The following VPS26A variants were observed in gnomAD, a reference collection of about 807,000 sequenced individuals.
VPS26A encodes the protein vacuolar protein sorting-associated protein 26A.
VPS26A carries 22 observed loss-of-function variants against 42.4 expected under a neutral mutation model. The ratio of observed to expected loss-of-function variants is 0.52; its 90% CI spans 0.37 to 0.74. The LOEUF (loss-of-function observed/expected upper bound fraction) is 0.74. Ranked by LOEUF, VPS26A falls within the 30% of genes least tolerant of loss-of-function variation. The pLI is 0.00. For synonymous variants in VPS26A, 110 were observed against 123.5 expected, an observed-to-expected ratio of 0.89 and a Z score of 0.73; for missense variants, 276 against 379.2, an observed-to-expected ratio of 0.73 and a Z score of 2.26.
intron 2 of VPS26A, among the ~76,000 whole-genome samples, chr10:69,147,189 G>A (rs111984653): frequency 2.3e-3 from 348 of 152,172 alleles, no homozygotes; most frequent in African/African-American, 7.8e-3. Flanking sequence ...ATCTTTTCAT[G>A]TGCTTATTGC....
chr10:69,130,749 T>C (rs1840757476), intron 1 of VPS26A, among the ~76,000 whole-genome samples: 1 of 152,202 alleles, frequency 6.6e-6, no homozygotes, highest in Admixed American at 6.5e-5. Context: ...CTTACATGTT[T>C]TTTGCTTACT....
At chr10:69,165,668 G>A (rs565848956) in intron 6 of VPS26A, among the ~76,000 whole-genome samples, 1 of 152,126 alleles carries the variant, frequency 6.6e-6, no homozygotes, top group South Asian at 2.1e-4. Flanking sequence ...AACTTAGCCA[G>A]GCATGATAGT....
chr10:69,133,090 A>G (rs766050122), intron 2 of VPS26A, 43 bp downstream of exon 2: 5 of 1,579,232 alleles, frequency 3.2e-6, no homozygotes, highest in Non-Finnish European at 4.3e-6. Flanking sequence ...GTAAGATATC[A>G]GAATTAGTTA....
chr10:69,169,091 G>A (rs987628789), intron 8 of VPS26A, among the ~76,000 whole-genome samples: 4 of 151,294 alleles, frequency 2.6e-5, no homozygotes, highest in African/African-American at 9.7e-5. Flanking sequence ...GTGTTGCCCG[G>A]GCTGGTCTTG....
intron 2 of VPS26A, among the ~76,000 whole-genome samples, chr10:69,137,862 G>GATATATATATATAT (rs745881334): frequency 6.9e-5 from 10 of 144,870 alleles, no homozygotes; most frequent in African/African-American, 2.7e-4. Context: ...GCTGTATTGA[G>GATATATATATATAT]ATATATATAT....
At chr10:69,132,867 G>C (rs781626601) in intron 1 of VPS26A, 31 bp from the exon 2 acceptor site, 7 of 1,562,620 alleles carry the variant, frequency 4.5e-6, no homozygotes, top group African/African-American at 1.4e-5. Context: ...GACTAAACAT[G>C]ATAATTATGA....
chr10:69,124,245 T>C lies in VPS26A; in HGVS notation c.-33T>C. ...GGGAGTTCTCCTGAGGGAAGAGGAG[T>C]GGAGTAGGGGGGACGCGGCGGCGGC... On this transcript the variant is annotated 5_prime_UTR_variant, in exon 1 of 9. Coordinates refer to ENST00000263559, the MANE Select transcript of VPS26A (RefSeq NM_004896.5). 1 of 1,281,928 alleles carries C rather than the reference T, an allele frequency of 7.8e-7. No homozygotes were observed. The highest frequency in any genetic ancestry group is 3.6e-5 in the South Asian group (1 of 27,444). The allele number at this position is 1,281,928 out of a possible 1,614,324, so 79.4% of individuals were successfully genotyped here. A position where few individuals can be genotyped will look rare whatever the true frequency, so the allele number is the denominator to read the frequency against.
rs1257494186 is a variant in VPS26A at position 69,172,943 on chromosome 10, T to C, written c.*1674T>C. ...TTAGATTTATTGTCGAGGATAGGAT[T>C]GTTCAATAGTTTAGGAAGCTGTAAC... On this transcript the variant is annotated 3_prime_UTR_variant, in exon 9 of 9. Transcript: ENST00000263559. 1.3e-5 allele frequency: 2 copies of C among 152,216 alleles called. No individual in the cohort carries two copies. The highest frequency in any genetic ancestry group is 2.1e-4 in the South Asian group (1 of 4,838). The allele number at this position is 152,216 out of a possible 1,614,324, so 9.4% of individuals were successfully genotyped here.
chr10:69,152,624 G>A (rs1057393286), intron 2 of VPS26A, among the ~76,000 whole-genome samples: 3 of 152,152 alleles, frequency 2.0e-5, no homozygotes, highest in Non-Finnish European at 4.4e-5. Flanking sequence ...TATCTTTTGA[G>A]AAACATTATT....
chr10:69,136,657 C>T (rs10740316), intron 2 of VPS26A, among the ~76,000 whole-genome samples: 71,041 of 151,870 alleles, frequency 0.47, 18,928 homozygotes, highest in Middle Eastern at 0.71. Flanking sequence ...TAAATTCTGT[C>T]ATTTTGTTTT....
At chr10:69,136,607 A>ATTGAT (rs1394394113) in intron 2 of VPS26A, among the ~76,000 whole-genome samples, 5 of 151,698 alleles carry the variant, frequency 3.3e-5, no homozygotes, top group Admixed American at 2.0e-4. Flanking sequence ...CAGTACCTAG[A>ATTGAT]TTGATTTAAC....
chr10:69,173,284 C>G lies in VPS26A; in HGVS notation c.*2015C>G, dbSNP rs1445106199. Among the ~76,000 whole-genome samples, 3 of 152,074 alleles carry G rather than the reference C, an allele frequency of 2.0e-5. No homozygotes were observed. The highest frequency in any genetic ancestry group is 2.9e-5 in the Non-Finnish European group (2 of 68,026). On this transcript the variant is annotated 3_prime_UTR_variant, in exon 9 of 9. Transcript: ENST00000263559. Reference sequence around the variant, plus strand: ...TTAGAAGCTTTTAAAATAACCAGGCCCGGGTCCTACTCTGACCAATAAAAT... The same window carrying G: ...TTAGAAGCTTTTAAAATAACCAGGCGCGGGTCCTACTCTGACCAATAAAAT...
At chr10:69,146,990 G>A (rs900446233) in intron 2 of VPS26A, among the ~76,000 whole-genome samples, 2 of 152,122 alleles carry the variant, frequency 1.3e-5, no homozygotes, top group Non-Finnish European at 2.9e-5. Flanking sequence ...ATTTTTAGAA[G>A]AACCGCCAAA....
At position 69,125,173 on chromosome 10, in the gene VPS26A, C is replaced by G. The variant is rs78922893; in HGVS notation, c.3+893C>G. ...CTGCTCTTCCCAAAGCTCACTGATT[C>G]AATAGACTGCTTGAGACTTTTGGCT... is the stretch of plus-strand genomic sequence containing the variant. On this transcript the variant is annotated intron_variant, in intron 1 of 8. Coordinates refer to ENST00000263559, the MANE Select transcript of VPS26A (RefSeq NM_004896.5). 7.5e-3 allele frequency among the ~76,000 whole-genome samples: 1,146 copies of G among 152,264 alleles called. 13 individuals carry two copies. Among genetic ancestry groups the G allele is most frequent in the African/African-American group, 0.026 (1,085 of 41,540 alleles).
chr10:69,124,357 G>C, intron 1 of VPS26A, 77 bp downstream of exon 1: 3 of 1,219,460 alleles, frequency 2.5e-6, no homozygotes, highest in Non-Finnish European at 3.1e-6. Flanking sequence ...ACCGCGGGCC[G>C]GGCGTCGCCG....
chr10:69,134,074 C>T (rs925585892), intron 2 of VPS26A, among the ~76,000 whole-genome samples: 7 of 152,140 alleles, frequency 4.6e-5, no homozygotes, highest in African/African-American at 1.7e-4. Context: ...CAAAAGCAAA[C>T]CACAAAACAT....
chr10:69,156,045 A>G (rs1259990315), intron 3 of VPS26A, among the ~76,000 whole-genome samples, 158 bp downstream of exon 3: 6 of 152,120 alleles, frequency 3.9e-5, no homozygotes, highest in Non-Finnish European at 7.4e-5. Context: ...ACTATATTAA[A>G]TTGTGTTTCT....
At chr10:69,145,535 T>C (rs1329936264) in intron 2 of VPS26A, among the ~76,000 whole-genome samples, 3 of 152,090 alleles carry the variant, frequency 2.0e-5, no homozygotes, top group Non-Finnish European at 4.4e-5. Flanking sequence ...GTCTGTGGTG[T>C]GACACAGGAG....
In VPS26A at chr10:69,174,363, A is replaced by G. The variant is rs1272487224; in HGVS notation, c.*3094A>G. Among the ~76,000 whole-genome samples the G allele has an allele frequency of 6.6e-6, 1 of 152,190 alleles. No individual in the cohort carries two copies. Among genetic ancestry groups the G allele is most frequent in the African/African-American group, 2.4e-5 (1 of 41,458 alleles). On this transcript the variant is annotated 3_prime_UTR_variant, in exon 9 of 9. Transcript: ENST00000263559. The stretch of plus-strand genomic sequence containing the variant: ...CACCATGTCTCAAAAATCTACCCAG[A>G]GTTGGGAACCACTGATCTAAACCAT...
Sources: gnomAD v4.1 joint callset for allele counts (sites outside exome capture counted in the v4.1 genomes callset) on GRCh38, gnomAD v4.1.1 for gene constraint, MANE v1.5 for transcripts, NCBI Gene and HGNC (gene_info 2026-07-23, HGNC 2026-07-21) for gene names.